The following USP6 variants were observed in gnomAD, a reference collection of about 807,000 sequenced individuals.
USP6 encodes ubiquitin specific peptidase 6.
In USP6, 128 loss-of-function variants were observed where a neutral mutation model predicts 175.7. The observed-to-expected ratio is 0.73, with a 90% CI of 0.63 to 0.84. The LOEUF is 0.84. USP6 is among the 40% of genes least tolerant of loss of function. USP6 has a pLI of 0.00. For synonymous variants in USP6, 562 were observed against 630.6 expected (o/e 0.89, Z 1.63); for missense variants, 1,498 against 1,760.3 (o/e 0.85, Z 2.67).
chr17:5,161,540 G>A lies in USP6; in HGVS notation c.2841G>A (p.Met947Ile). 6.2e-7 allele frequency: 1 copy of A among 1,613,852 alleles called. No individual in the cohort carries two copies. The highest frequency in any genetic ancestry group is 2.2e-5 in the East Asian group (1 of 44,882). Residue 947 changes from methionine to isoleucine, a missense_variant, in exon 32 of 38, where the codon ATG (methionine) becomes ATA (isoleucine). Transcript: ENST00000574788. Reference sequence around the variant, plus strand: ...TCTTCTGTTTCAGTGATAACTGTATGGGCTATCAATATCCATTCACTCTAC... The same window carrying A: ...TCTTCTGTTTCAGTGATAACTGTATAGGCTATCAATATCCATTCACTCTAC... ...SIHAQDRDNCMGYQYPFTLRV... is the reference protein window; with the variant it reads ...SIHAQDRDNCIGYQYPFTLRV...
chr17:5,172,174 CA>C (rs539259328), intron 37 of USP6, among the ~76,000 whole-genome samples: 2,712 of 99,848 alleles, frequency 0.027, 55 homozygotes, highest in African/African-American at 0.065. Context: ...GGCTCTGTCT[CA>C]AAAAAAAAAA....
At chr17:5,152,364 G>A (rs2073793261) in intron 30 of USP6, among the ~76,000 whole-genome samples, 1 of 152,158 alleles carries the variant, frequency 6.6e-6, no homozygotes, top group Admixed American at 6.5e-5. Context: ...GGGTTGCTAA[G>A]TAGAGCAACA....
At chr17:5,158,197 T>C (rs2073926267) in intron 31 of USP6, among the ~76,000 whole-genome samples, 1 of 152,144 alleles carries the variant, frequency 6.6e-6, no homozygotes. Context: ...AAGATTCCCA[T>C]GATCTATACA....
intron 22 of USP6, among the ~76,000 whole-genome samples, chr17:5,140,293 G>A (rs969091242): frequency 6.6e-6 from 1 of 152,186 alleles, no homozygotes; most frequent in African/African-American, 2.4e-5. Flanking sequence ...GGCCGGGTGT[G>A]GTGGCTCACA....
intron 28 of USP6, 49 bp downstream of exon 28, chr17:5,146,223 A>T: frequency 6.5e-7 from 1 of 1,528,222 alleles, no homozygotes; most frequent in Non-Finnish European, 8.8e-7. Flanking sequence ...TTCAAAGATG[A>T]CATTTTTCTC....
chr17:5,123,180 G>T (rs2072755767), intron 4 of USP6: 1 of 151,648 alleles, frequency 6.6e-6, no homozygotes, highest in Non-Finnish European at 1.5e-5. Flanking sequence ...CATGGGGCAG[G>T]TCCCGCGGGA....
At chr17:5,136,316 C>T (rs1017727714) in intron 17 of USP6, among the ~76,000 whole-genome samples, 1 of 152,246 alleles carries the variant, frequency 6.6e-6, no homozygotes, top group Non-Finnish European at 1.5e-5. Flanking sequence ...CTCACCATCC[C>T]GTGTCCCCTG....
chr17:5,163,801 T>C (rs2074050654), intron 33 of USP6, among the ~76,000 whole-genome samples: 1 of 152,154 alleles, frequency 6.6e-6, no homozygotes, highest in Non-Finnish European at 1.5e-5. Flanking sequence ...CTCCCTTTAA[T>C]AGGCAGAGTG....
At chr17:5,138,309 C>T (rs376128025) in intron 21 of USP6, 36 bp downstream of exon 21, 3 of 1,611,640 alleles carry the variant, frequency 1.9e-6, no homozygotes, top group Non-Finnish European at 2.5e-6. Context: ...CCATGTCAGC[C>T]TCTGGGGCAG....
intron 15 of USP6, 136 bp from the exon 16 acceptor site, chr17:5,135,098 C>T: frequency 1.0e-6 from 1 of 974,060 alleles, no homozygotes. Flanking sequence ...CTTCAACAGT[C>T]TCAGGCCCTG....
intron 2 of USP6, among the ~76,000 whole-genome samples, chr17:5,119,034 G>A (rs570141571): frequency 6.6e-6 from 1 of 152,140 alleles, no homozygotes; most frequent in African/African-American, 2.4e-5. Context: ...TCAAAGATGG[G>A]GTTTCACTGG....
chr17:5,163,190 A>G (rs1391741288), intron 33 of USP6, among the ~76,000 whole-genome samples, 186 bp downstream of exon 33: 1 of 152,122 alleles, frequency 6.6e-6, no homozygotes, highest in Non-Finnish European at 1.5e-5. Flanking sequence ...TCTGGAGTTC[A>G]TTGTATTGGG....
intron 31 of USP6, among the ~76,000 whole-genome samples, chr17:5,159,025 A>G (rs2073952818): frequency 6.6e-6 from 1 of 152,220 alleles, no homozygotes; most frequent in Non-Finnish European, 1.5e-5. Flanking sequence ...ATTTCATTGC[A>G]TAGTTCTCAA....
chr17:5,133,645 G>C, intron 14 of USP6, 95 bp downstream of exon 14: 1 of 1,014,320 alleles, frequency 9.9e-7, no homozygotes, highest in Non-Finnish European at 1.5e-6. Flanking sequence ...GGGGTGGGGG[G>C]GTGGGAGGGG....
intron 26 of USP6, 132 bp downstream of exon 26, chr17:5,144,995 A>C (rs919663982): frequency 1.1e-5 from 15 of 1,338,548 alleles, no homozygotes; most frequent in Non-Finnish European, 1.3e-5. Context: ...AGGAATTTCT[A>C]TTTCTATGCT....
chr17:5,122,792 G>A (rs1235087535), intron 4 of USP6, among the ~76,000 whole-genome samples: 4 of 152,254 alleles, frequency 2.6e-5, no homozygotes, highest in Non-Finnish European at 5.9e-5. Flanking sequence ...AGGGCGAGGG[G>A]TCGGGGCCGG....
At position 5,138,175 on chromosome 17, in the gene USP6, T is replaced by A; in HGVS notation, c.980T>A (p.Phe327Tyr). Residue 327 changes from phenylalanine to tyrosine, a missense_variant, in exon 21 of 38, where the codon TTC (phenylalanine) becomes TAC (tyrosine). Coordinates refer to ENST00000574788, the MANE Select transcript of USP6 (RefSeq NM_001304284.2). ...CGLWARLRNQ[F>Y]FDTWAMNDDT... Reference sequence around the variant, plus strand: ...CTGTGGGCACGTCTGCGGAACCAATTCTTCGATACCTGGGCCATGAACGAT... The same window carrying A: ...CTGTGGGCACGTCTGCGGAACCAATACTTCGATACCTGGGCCATGAACGAT... 1 of 1,614,030 alleles carries A rather than the reference T, an allele frequency of 6.2e-7. No individual in the cohort carries two copies. The highest frequency in any genetic ancestry group is 2.2e-5 in the East Asian group (1 of 44,874).
intron 5 of USP6, among the ~76,000 whole-genome samples, 166 bp from the exon 6 acceptor site, chr17:5,125,655 C>T (rs1482183701): frequency 1.2e-5 from 1 of 80,492 alleles, no homozygotes; most frequent in Non-Finnish European, 3.2e-5. Context: ...TTGCAACACA[C>T]AAACACGCAC....
intron 31 of USP6, among the ~76,000 whole-genome samples, chr17:5,160,128 CTTTT>C (rs1567808693): frequency 6.6e-6 from 1 of 152,186 alleles, no homozygotes; most frequent in African/African-American, 2.4e-5. Context: ...CATTATCTTT[CTTTT>C]GATTCCTCAC....
Sources: gnomAD v4.1 joint callset for allele counts (sites outside exome capture counted in the v4.1 genomes callset) on GRCh38, gnomAD v4.1.1 for gene constraint, MANE v1.5 for transcripts, NCBI Gene and HGNC (gene_info 2026-07-23, HGNC 2026-07-21) for gene names.